The following EIF2D variants were observed in gnomAD, a reference collection of about 807,000 sequenced individuals.
EIF2D encodes the protein eukaryotic translation initiation factor 2D.
A neutral mutation model predicts 77.4 loss-of-function variants in EIF2D; 56 were observed. That is an observed-to-expected ratio of 0.72 (90% CI 0.58 to 0.90). The LOEUF (loss-of-function observed/expected upper bound fraction) is 0.90, where lower values mean the gene tolerates loss of function less well. Ranked by LOEUF, EIF2D falls within the 40% of genes least tolerant of loss-of-function variation. The pLI is 0.00. For missense variants in EIF2D, 574 were observed against 706.5 expected, an observed-to-expected ratio of 0.81 and a Z score of 2.13; for synonymous variants, 230 against 271.0, an observed-to-expected ratio of 0.85 and a Z score of 1.49.
intron 14 of EIF2D, 121 bp downstream of exon 14, chr1:206,593,498 A>AGTGTGTGTGT: frequency 2.3e-6 from 1 of 431,856 alleles, no homozygotes; most frequent in Non-Finnish European, 3.5e-6. Flanking sequence ...CGAGAGAGAG[A>AGTGTGTGTGT]GAGAGAGAGA....
downstream of EIF2D, chr1:206,587,370 G>C: frequency 3.2e-6 from 1 of 315,452 alleles, no homozygotes; most frequent in Middle Eastern, 1.2e-3. Context: ...TCCTCTTTGA[G>C]TTCTCTTACT....
At chr1:206,589,763 A>C (rs1231414468), downstream of EIF2D, among the ~76,000 whole-genome samples, 3 of 152,234 alleles carry the variant, frequency 2.0e-5, no homozygotes, top group Non-Finnish European at 4.4e-5. Flanking sequence ...ACTTTCATCA[A>C]AGGAACATCT....
intron 5 of EIF2D, among the ~76,000 whole-genome samples, chr1:206,572,419 C>T (rs1668481714): frequency 6.6e-6 from 1 of 152,172 alleles, no homozygotes. Context: ...CACAGCTTTA[C>T]AGAAGAGCAC....
At chr1:206,602,177 AC>A (rs1669956897) in intron 7 of EIF2D, 158 bp downstream of exon 7, 1 of 559,808 alleles carries the variant, frequency 1.8e-6, no homozygotes, top group Admixed American at 3.2e-5. Flanking sequence ...ACTTTTTAGA[AC>A]CCAGGAACTA....
At chr1:206,585,146 G>A in intron 2 of EIF2D, 1 of 1,551,080 alleles carries the variant, frequency 6.4e-7, no homozygotes, top group Non-Finnish European at 8.9e-7. Flanking sequence ...TTCTTTTCTG[G>A]GAAGAGCTCC....
In EIF2D at chr1:206,593,511, G is replaced by GTGTGTGTGCA; in HGVS notation, c.1684+107_1684+108insTGCACACACA. 6 of 556,668 alleles carry GTGTGTGTGCA rather than the reference G, an allele frequency of 1.1e-5. No individual in the cohort carries two copies. The Admixed American group carries it at 2.0e-4, about 18-fold the overall frequency. 34.5% of individuals were successfully genotyped at this position (556,668 alleles called of 1,614,324 possible). On this transcript the variant is annotated intron_variant, in intron 14 of 14. Transcript: ENST00000271764. ...AGCGAGAGAGAGAGAGAGAGAGAGTGTGTGTGTGTGTGTGTGTGTGTGTGT... is the reference window on the plus strand; with the variant it reads ...AGCGAGAGAGAGAGAGAGAGAGAGTGTGTGTGTGCATGTGTGTGTGTGTGTGTGTGTGTGT...
At chr1:206,597,455 C>T (rs1403656326) in intron 11 of EIF2D, among the ~76,000 whole-genome samples, 1 of 152,172 alleles carries the variant, frequency 6.6e-6, no homozygotes, top group Non-Finnish European at 1.5e-5. Context: ...AGCATGTGAC[C>T]ACAGCTTTCT....
At chr1:206,609,332 A>C (rs1294744224) in intron 3 of EIF2D, 44 bp downstream of exon 3, 1 of 1,568,590 alleles carries the variant, frequency 6.4e-7, no homozygotes, top group Non-Finnish European at 8.7e-7. Context: ...GCTTTTGCTA[A>C]GTAGGTTTCA....
At chr1:206,578,698 C>T (rs1668751821) in intron 4 of EIF2D, among the ~76,000 whole-genome samples, 2 of 152,144 alleles carry the variant, frequency 1.3e-5, no homozygotes, top group Non-Finnish European at 2.9e-5. Flanking sequence ...GTGGGACACA[C>T]GTCCTCCTCA....
At chr1:206,583,239 C>A in intron 2 of EIF2D, 1 of 1,439,766 alleles carries the variant, frequency 6.9e-7, no homozygotes, top group Non-Finnish European at 9.8e-7. Context: ...AACTACTACA[C>A]ATCCACCTCC....
At chr1:206,578,135 A>G (rs1198069517) in intron 4 of EIF2D, among the ~76,000 whole-genome samples, 1 of 150,726 alleles carries the variant, frequency 6.6e-6, no homozygotes, top group African/African-American at 2.4e-5. Context: ...CTGAGGCAGG[A>G]GGATTGCTTG....
intron 5 of EIF2D, among the ~76,000 whole-genome samples, chr1:206,572,326 C>T (rs1668479215): frequency 6.6e-6 from 1 of 152,146 alleles, no homozygotes; most frequent in Non-Finnish European, 1.5e-5. Flanking sequence ...TCCGAGATAG[C>T]CCACACAGTT....
chr1:206,581,161 A>T (rs528465697), exon 3 of EIF2D: 4 of 152,240 alleles, frequency 2.6e-5, no homozygotes, highest in Non-Finnish European at 5.9e-5. Flanking sequence ...CAGTTTTGTT[A>T]TCTGTGAAAT....
intron 3 of EIF2D, among the ~76,000 whole-genome samples, chr1:206,608,774 A>G (rs1670322451): frequency 6.6e-6 from 1 of 152,254 alleles, no homozygotes; most frequent in African/African-American, 2.4e-5. Flanking sequence ...ACTCTTAGCC[A>G]GGTGCGGTGG....
Position 206,599,389 on chromosome 1 carries a change from C to G in EIF2D, c.1202+74G>C. ...GCAGGTTTTGCCAGTCGCAAAAGAGCACTACTCAGGTTGAGAGGAACTGTA... is the reference window on the plus strand; with the variant it reads ...GCAGGTTTTGCCAGTCGCAAAAGAGGACTACTCAGGTTGAGAGGAACTGTA... On this transcript the variant is annotated intron_variant, in intron 10 of 14. Coordinates refer to ENST00000271764, the MANE Select transcript of EIF2D (RefSeq NM_006893.3). This position sits in a 1 kb window ranked among gnomAD's most constrained non-coding sequence, Gnocchi z 4.1. The G allele has an allele frequency of 1.3e-6, 2 of 1,566,768 alleles. No individual in the cohort carries two copies. Among genetic ancestry groups the G allele is most frequent in the South Asian group, 2.3e-5 (2 of 85,520 alleles).
intron 3 of EIF2D, among the ~76,000 whole-genome samples, chr1:206,608,913 G>A (rs782535903): frequency 3.9e-5 from 6 of 152,132 alleles, no homozygotes; most frequent in Admixed American, 1.3e-4. Context: ...TTAGCCAGGC[G>A]TGGTGATGCA....
Position 206,599,987 on chromosome 1 carries a change from C to A in EIF2D, c.949-151G>T, listed in dbSNP as rs61611251. On this transcript the variant is annotated intron_variant, in intron 8 of 14. Transcript: ENST00000271764. This position sits in a 1 kb window ranked among gnomAD's most constrained non-coding sequence, Gnocchi z 4.1. ...AACCAGGAACTGGGAGGCCCCCAAC[C>A]TGAGGGCCAGGGAGCAAGAAGCTGC... is the stretch of plus-strand genomic sequence containing the variant. 1.4e-4 allele frequency: 113 copies of A among 791,218 alleles called. No individual in the cohort carries two copies. The highest frequency in any genetic ancestry group is 2.2e-4 in the Non-Finnish European group (108 of 501,700). The allele number at this position is 791,218 out of a possible 1,614,324, so 49.0% of individuals were successfully genotyped here. A position where few individuals can be genotyped will look rare whatever the true frequency, so the allele number is the denominator to read the frequency against.
intron 7 of EIF2D, chr1:206,600,928 C>T (rs1320705730): frequency 6.6e-6 from 1 of 152,348 alleles, no homozygotes; most frequent in Non-Finnish European, 1.5e-5. Context: ...TATTTACTAT[C>T]TGGCCCTTTA....
At chr1:206,600,213 T>C in intron 8 of EIF2D, 50 bp downstream of exon 8, 1 of 1,574,284 alleles carries the variant, frequency 6.4e-7, no homozygotes, top group Admixed American at 1.7e-5. Context: ...ATGTCATATG[T>C]GCCCCTACAC....
Sources: gnomAD v4.1 joint callset for allele counts (sites outside exome capture counted in the v4.1 genomes callset) on GRCh38, gnomAD v4.1.1 for gene constraint, Gnocchi (gnomAD v3.1) non-coding constraint, MANE v1.5 for transcripts, NCBI Gene and HGNC (gene_info 2026-07-23, HGNC 2026-07-21) for gene names.